The following KCNQ1 variants were observed in gnomAD, a reference collection of about 807,000 sequenced individuals.
KCNQ1 encodes the protein potassium voltage-gated channel subfamily Q member 1.
In KCNQ1, 49 loss-of-function variants were observed where a neutral mutation model predicts 72.4. That is an observed-to-expected ratio of 0.68 (90% confidence interval 0.54 to 0.86). The LOEUF (loss-of-function observed/expected upper bound fraction) is 0.86, where lower values mean the gene tolerates loss of function less well. KCNQ1 is among the 40% of genes least tolerant of loss of function. KCNQ1 has a pLI of 0.00. For missense variants in KCNQ1, 790 were observed against 945.1 expected (o/e 0.84, Z 2.15); for synonymous variants, 450 against 412.6 (o/e 1.09, Z -1.10).
Position 2,668,598 on chromosome 11 carries a change from T to C in KCNQ1, c.1514+6517T>C, listed in dbSNP as rs1043974922. 2 of 398,542 alleles carry C rather than the reference T, an allele frequency of 5.0e-6. No homozygotes were observed. The highest frequency in any genetic ancestry group is 4.4e-5 in the Admixed American group (1 of 22,724). 24.7% of individuals were successfully genotyped at this position (398,542 alleles called of 1,614,324 possible). A position where few individuals can be genotyped will look rare whatever the true frequency, so the allele number is the denominator to read the frequency against. ...ATTTAGTCAGATACATCATTCTGTA[T>C]AAATTGCCTACATCTTCTGCCTGTT... On this transcript the variant is annotated intron_variant, in intron 11 of 15. Transcript: ENST00000155840. This position sits in a 1 kb window ranked among gnomAD's most constrained non-coding sequence, Gnocchi z 4.3.
chr11:2,455,720 AT>A (rs1846183123), intron 1 of KCNQ1, among the ~76,000 whole-genome samples: 1 of 152,202 alleles, frequency 6.6e-6, no homozygotes, highest in Non-Finnish European at 1.5e-5. Context: ...CTATTCTAAC[AT>A]TCATGTAGAA....
chr11:2,536,966 G>C lies in KCNQ1; in HGVS notation c.477+8948G>C, dbSNP rs920225683. On this transcript the variant is annotated intron_variant, in intron 2 of 15. Coordinates refer to ENST00000155840, the MANE Select transcript of KCNQ1 (RefSeq NM_000218.3). This position sits in a 1 kb window ranked among gnomAD's most constrained non-coding sequence, Gnocchi z 7.4. ...TTACCTCACAGGGCATCCTCCCTGC[G>C]TGTGAGTCTGGAGCCAAATTTCTCC... is the stretch of plus-strand genomic sequence containing the variant. Among the ~76,000 whole-genome samples the C allele has an allele frequency of 6.6e-6, 1 of 151,874 alleles. No homozygotes were observed. Among genetic ancestry groups the C allele is most frequent in the African/African-American group, 2.4e-5 (1 of 41,220 alleles).
intron 11 of KCNQ1, among the ~76,000 whole-genome samples, chr11:2,751,978 C>A (rs1846233461): frequency 1.3e-5 from 2 of 152,270 alleles, no homozygotes; most frequent in Non-Finnish European, 2.9e-5. Flanking sequence ...TGCAAAGCTG[C>A]ACTTTCTCGG....
In KCNQ1 at chr11:2,471,687, GGTGTGCAT is replaced by G. The variant is rs1358284013; in HGVS notation, c.386+26209_386+26216del. Among the ~76,000 whole-genome samples the G allele has an allele frequency of 1.1e-4, 17 of 150,284 alleles. No individual in the cohort carries two copies. Among genetic ancestry groups the G allele is most frequent in the African/African-American group, 3.9e-4 (16 of 40,814 alleles). On this transcript the variant is annotated intron_variant, in intron 1 of 15. Transcript: ENST00000155840. The surrounding 1 kb of genome is among the most constrained non-coding windows in gnomAD (Gnocchi z 4.8). ...GTGCATGGGTGTGCACATGTGTATG[GGTGTGCAT>G]GTGTGTATAGGTGTGTGTATGTGTG...
intron 15 of KCNQ1, among the ~76,000 whole-genome samples, chr11:2,804,582 G>C (rs959152625): frequency 3.3e-5 from 5 of 152,202 alleles, no homozygotes; most frequent in African/African-American, 1.2e-4. Flanking sequence ...ACTTGACAGA[G>C]TGGTTCCAGG....
rs553157437 is a variant in KCNQ1, at chr11:2,651,937, C to A, written c.1394-10024C>A. On this transcript the variant is annotated intron_variant, in intron 10 of 15. Coordinates refer to ENST00000155840, the MANE Select transcript of KCNQ1 (RefSeq NM_000218.3). The surrounding 1 kb of genome is among the most constrained non-coding windows in gnomAD (Gnocchi z 6.1). ...GCTTGCTCTCCTCCTACTCACAGCC[C>A]TCCTGCAGCCAGCAGCAGTGGGGGA... 5.6e-4 allele frequency: 223 copies of A among 398,688 alleles called. No homozygotes were observed. The highest frequency in any genetic ancestry group is 8.4e-4 in the Non-Finnish European group (190 of 226,118). 24.7% of individuals were successfully genotyped at this position (398,688 alleles called of 1,614,324 possible).
At position 2,803,163 on chromosome 11, in the gene KCNQ1, C is replaced by CG. The variant is rs879495099; in HGVS notation, c.1794+25126_1794+25127insG. ...CAGAAAACCCAGCCGGGCCCCCCCC[C>CG]CCACGGGCACCCAGGAACCGCCCTG... On this transcript the variant is annotated intron_variant, in intron 15 of 15. Transcript: ENST00000155840. The surrounding 1 kb of genome is among the most constrained non-coding windows in gnomAD (Gnocchi z 6.4). 4.6e-5 allele frequency among the ~76,000 whole-genome samples: 7 copies of CG among 151,776 alleles called. No individual in the cohort carries two copies. Among genetic ancestry groups the CG allele is most frequent in the East Asian group, 3.9e-4 (2 of 5,138 alleles).
chr11:2,581,266 C>T (rs1033579288), intron 6 of KCNQ1, among the ~76,000 whole-genome samples: 1 of 152,232 alleles, frequency 6.6e-6, no homozygotes, highest in Non-Finnish European at 1.5e-5. Context: ...TGTGCTGGGA[C>T]CCTGGGCTGA....
intron 11 of KCNQ1, among the ~76,000 whole-genome samples, chr11:2,758,288 A>G (rs960105976): frequency 1.3e-5 from 2 of 152,256 alleles, no homozygotes; most frequent in African/African-American, 4.8e-5. Context: ...AATAGGGAAG[A>G]AGTACACCAA....
At chr11:2,688,275 G>A (rs1850526408) in intron 11 of KCNQ1, 1 of 398,752 alleles carries the variant, frequency 2.5e-6, no homozygotes, top group Non-Finnish European at 4.4e-6. Flanking sequence ...CATGACCTCT[G>A]TTTAGACAAG....
rs748821506 is a variant in KCNQ1 at position 2,772,909 on chromosome 11, C to T, written c.1591-3051C>T. On this transcript the variant is annotated intron_variant, in intron 12 of 15. Coordinates refer to ENST00000155840, the MANE Select transcript of KCNQ1 (RefSeq NM_000218.3). This position sits in a 1 kb window ranked among gnomAD's most constrained non-coding sequence, Gnocchi z 6.6. ...CTGGAGGTGCCCCATGCTTCAGCTT[C>T]ACAGAGCTCTGTGGTCTGCAGGAGG... Among the ~76,000 whole-genome samples the T allele has an allele frequency of 6.6e-6, 1 of 152,204 alleles. No individual in the cohort carries two copies. The highest frequency in any genetic ancestry group is 1.5e-5 in the Non-Finnish European group (1 of 68,032).
intron 10 of KCNQ1, chr11:2,609,666 G>A: frequency 2.5e-6 from 1 of 398,330 alleles, no homozygotes; most frequent in East Asian, 3.6e-5. Context: ...TCTCTGTTCA[G>A]TTCTGTCAGT....
At position 2,724,351 on chromosome 11, in the gene KCNQ1, G is replaced by A. The variant is rs773129961; in HGVS notation, c.1515-44493G>A. ...TCCTCAGGAGTGACAGCGTCCTCCCGCCCGGATTGGGTTTCTGCACAGTGG... is the reference window on the plus strand; with the variant it reads ...TCCTCAGGAGTGACAGCGTCCTCCCACCCGGATTGGGTTTCTGCACAGTGG... On this transcript the variant is annotated intron_variant, in intron 11 of 15. Coordinates refer to ENST00000155840, the MANE Select transcript of KCNQ1 (RefSeq NM_000218.3). This position sits in a 1 kb window ranked among gnomAD's most constrained non-coding sequence, Gnocchi z 6.8. Among the ~76,000 whole-genome samples the A allele has an allele frequency of 3.1e-4, 47 of 152,256 alleles. No homozygotes were observed. The highest frequency in any genetic ancestry group is 5.9e-4 in the Admixed American group (9 of 15,306).
At chr11:2,811,350 T>G (rs1454184406) in intron 15 of KCNQ1, among the ~76,000 whole-genome samples, 3 of 152,220 alleles carry the variant, frequency 2.0e-5, no homozygotes, top group Non-Finnish European at 4.4e-5. Flanking sequence ...ACACAGCTCC[T>G]CCACCCTTAT....
At chr11:2,625,471 G>A in intron 10 of KCNQ1, 6 of 398,286 alleles carry the variant, frequency 1.5e-5, no homozygotes, top group Non-Finnish European at 2.7e-5. Context: ...GTAAGGTTGT[G>A]GTTTTGACTT....
At position 2,661,540 on chromosome 11, in the gene KCNQ1, T is replaced by C. The variant is rs983782201; in HGVS notation, c.1394-421T>C. 2 of 502,336 alleles carry C rather than the reference T, an allele frequency of 4.0e-6. No individual in the cohort carries two copies. The highest frequency in any genetic ancestry group is 7.0e-6 in the Non-Finnish European group (2 of 285,468). 31.1% of individuals were successfully genotyped at this position (502,336 alleles called of 1,614,324 possible). A position where few individuals can be genotyped will look rare whatever the true frequency, so the allele number is the denominator to read the frequency against. ...TATCACCCCATCTTTCCTGACCCAC[T>C]ACTCTGTCAATGTATGAGTGTGACA... On this transcript the variant is annotated intron_variant, in intron 10 of 15. Transcript: ENST00000155840. The surrounding 1 kb of genome is among the most constrained non-coding windows in gnomAD (Gnocchi z 5.9).
At chr11:2,776,672 C>T (rs973875103) in intron 13 of KCNQ1, among the ~76,000 whole-genome samples, 5 of 152,202 alleles carry the variant, frequency 3.3e-5, no homozygotes, top group Non-Finnish European at 5.9e-5. Context: ...CGTGTCCATC[C>T]TGGCCACAGG....
chr11:2,686,910 T>C (rs1228427268), intron 11 of KCNQ1: 1 of 398,522 alleles, frequency 2.5e-6, no homozygotes, highest in African/African-American at 2.1e-5. Context: ...GGCAACCCAA[T>C]CCAGGTCCAT....
rs1038832106 is a variant in KCNQ1 at position 2,677,644 on chromosome 11, A to G, written c.1514+15563A>G. 11 of 398,498 alleles carry G rather than the reference A, an allele frequency of 2.8e-5. No homozygotes were observed. The highest frequency in any genetic ancestry group is 4.9e-5 in the Non-Finnish European group (11 of 226,062). The allele number at this position is 398,498 out of a possible 1,614,324, so 24.7% of individuals were successfully genotyped here. ...ACGTGTACATAATTGTAACTCTAAC[A>G]ACTGTTATTGCATATGAGATAAAAT... On this transcript the variant is annotated intron_variant, in intron 11 of 15. Transcript: ENST00000155840. The surrounding 1 kb of genome is among the most constrained non-coding windows in gnomAD (Gnocchi z 4.5).
Sources: allele counts gnomAD v4.1 joint callset (sites outside exome capture counted in the v4.1 genomes callset), GRCh38; gene constraint gnomAD v4.1.1; non-coding constraint Gnocchi (gnomAD v3.1); transcripts MANE v1.5; gene names NCBI Gene and HGNC (gene_info 2026-07-23, HGNC 2026-07-21).